ZNF827: variants seen among roughly 807,000 people sequenced by gnomAD.
The protein encoded by ZNF827 is zinc finger protein 827.
In ZNF827, 13 loss-of-function variants were observed where a neutral mutation model predicts 102.4. The ratio of observed to expected loss-of-function variants is 0.13; its 90% CI spans 0.08 to 0.20. The LOEUF is 0.20. Ranked by LOEUF, ZNF827 falls within the 10% of genes least tolerant of loss-of-function variation. ZNF827 has a pLI of 1.00. For synonymous variants in ZNF827, 523 were observed against 536.2 expected, an observed-to-expected ratio of 0.98 and a Z score of 0.34; for missense variants, 1,103 against 1,344.4, an observed-to-expected ratio of 0.82 and a Z score of 2.81.
At chr4:145,799,058 G>A (rs1740638956) in intron 8 of ZNF827, among the ~76,000 whole-genome samples, 1 of 152,306 alleles carries the variant, frequency 6.6e-6, no homozygotes, top group East Asian at 1.9e-4. Flanking sequence ...GCAGTCTACT[G>A]GTTCGTGCCC....
Position 145,938,575 on chromosome 4 carries a change from C to T in ZNF827, c.-168G>A. Reference sequence around the variant, plus strand: ...TGTGCAATGGGTTGAAGCTTGTTTCCTGGAGCCAGAAGAGGGGTTTTCTTC... The same window carrying T: ...TGTGCAATGGGTTGAAGCTTGTTTCTTGGAGCCAGAAGAGGGGTTTTCTTC... On this transcript the variant is annotated 5_prime_UTR_variant, in exon 1 of 15. Transcript: ENST00000508784. The T allele has an allele frequency of 1.8e-6, 1 of 555,618 alleles. No individual in the cohort carries two copies. Among genetic ancestry groups the T allele is most frequent in the Non-Finnish European group, 3.2e-6 (1 of 314,260 alleles). 34.4% of individuals were successfully genotyped at this position (555,618 alleles called of 1,614,324 possible). A position where few individuals can be genotyped will look rare whatever the true frequency, so the allele number is the denominator to read the frequency against.
intron 3 of ZNF827, among the ~76,000 whole-genome samples, chr4:145,888,599 G>C: frequency 6.6e-6 from 1 of 152,316 alleles, no homozygotes; most frequent in East Asian, 1.9e-4. Flanking sequence ...CCCCACTAGG[G>C]GGACAGGTGA....
chr4:145,839,838 A>C (rs1745244308), intron 7 of ZNF827, among the ~76,000 whole-genome samples: 1 of 152,250 alleles, frequency 6.6e-6, no homozygotes, highest in Non-Finnish European at 1.5e-5. Flanking sequence ...AGCCAGTAGA[A>C]ATAAAGATGG....
intron 1 of ZNF827, among the ~76,000 whole-genome samples, chr4:145,905,096 C>G (rs1180117730): frequency 2.0e-5 from 3 of 152,228 alleles, no homozygotes; most frequent in Non-Finnish European, 2.9e-5. Context: ...TCTAAATTAT[C>G]TGTCTGCTGT....
In ZNF827 at chr4:145,857,620, C is replaced by T. The variant is rs80171450; in HGVS notation, c.1982-8059G>A. On this transcript the variant is annotated intron_variant, in intron 5 of 14. Coordinates refer to ENST00000508784, the MANE Select transcript of ZNF827 (RefSeq NM_001306215.2). The stretch of plus-strand genomic sequence containing the variant: ...TGTCCCTCAAACATAACAAATTCTG[C>T]ACTCAATTTCACTTTTGTCCAAATC... Among the ~76,000 whole-genome samples the T allele has an allele frequency of 4.7e-3, 716 of 152,290 alleles. 1 individual carries two copies. The highest frequency in any genetic ancestry group is 0.016 in the African/African-American group (680 of 41,552).
chr4:145,803,905 T>C (rs998024932), intron 8 of ZNF827, among the ~76,000 whole-genome samples: 6 of 147,484 alleles, frequency 4.1e-5, no homozygotes, highest in African/African-American at 1.2e-4. Context: ...AAAATGGATG[T>C]AGTTTACCCT....
At chr4:145,784,923 T>G (rs1319761880) in intron 8 of ZNF827, among the ~76,000 whole-genome samples, 2 of 152,248 alleles carry the variant, frequency 1.3e-5, no homozygotes, top group African/African-American at 4.8e-5. Flanking sequence ...CACTCTTATA[T>G]TCTGATCCCT....
At chr4:145,915,991 T>C (rs777854123) in intron 1 of ZNF827, among the ~76,000 whole-genome samples, 2 of 152,180 alleles carry the variant, frequency 1.3e-5, no homozygotes, top group Non-Finnish European at 2.9e-5. Context: ...GCCAGAATAA[T>C]CTCCTTTGAC....
intron 6 of ZNF827, among the ~76,000 whole-genome samples, chr4:145,846,646 G>A (rs58313731): frequency 0.016 from 2,209 of 138,178 alleles, 85 homozygotes; most frequent in African/African-American, 0.058. Context: ...GTGAAAACCC[G>A]TCTCTACTAA....
At chr4:145,876,840 T>G (rs905528420) in intron 4 of ZNF827, 2 of 152,210 alleles carry the variant, frequency 1.3e-5, no homozygotes, top group African/African-American at 4.8e-5. Flanking sequence ...GCTTATACTC[T>G]TCTTTAATTG....
At chr4:145,793,673 A>G (rs1740064946) in intron 8 of ZNF827, among the ~76,000 whole-genome samples, 1 of 152,114 alleles carries the variant, frequency 6.6e-6, no homozygotes, top group East Asian at 1.9e-4. Context: ...CCCAGGATCA[A>G]TACTTTGCAT....
At chr4:145,839,744 C>A (rs1026376335) in intron 7 of ZNF827, among the ~76,000 whole-genome samples, 9 of 152,238 alleles carry the variant, frequency 5.9e-5, no homozygotes, top group Non-Finnish European at 8.8e-5. Context: ...AACACAGTCT[C>A]TGGATGTCCA....
At position 145,765,302 on chromosome 4, in the gene ZNF827, A is replaced by G. The variant is rs964724213; in HGVS notation, c.3053-137T>C. Reference sequence around the variant, plus strand: ...TATACCCTTCCAGGCACTGTTCCCCATATCTCTGTGCTAAAAGGAGTTAAA... The same window carrying G: ...TATACCCTTCCAGGCACTGTTCCCCGTATCTCTGTGCTAAAAGGAGTTAAA... On this transcript the variant is annotated intron_variant, in intron 12 of 14. Coordinates refer to ENST00000508784, the MANE Select transcript of ZNF827 (RefSeq NM_001306215.2). The surrounding 1 kb of genome is among the most constrained non-coding windows in gnomAD (Gnocchi z 4.7). 3.1e-5 allele frequency: 33 copies of G among 1,057,692 alleles called. No individual in the cohort carries two copies. Among genetic ancestry groups the G allele is most frequent in the Middle Eastern group, 3.1e-4 (1 of 3,206 alleles). 65.5% of individuals were successfully genotyped at this position (1,057,692 alleles called of 1,614,324 possible).
chr4:145,916,311 C>T (rs115748548), intron 1 of ZNF827, among the ~76,000 whole-genome samples: 1,722 of 152,302 alleles, frequency 0.011, 29 homozygotes, highest in African/African-American at 0.036. Flanking sequence ...ACACTTCTAC[C>T]ACATGAACAT....
At chr4:145,937,262 C>G (rs564593211) in intron 1 of ZNF827, among the ~76,000 whole-genome samples, 114 of 151,530 alleles carry the variant, frequency 7.5e-4, no homozygotes, top group African/African-American at 2.1e-3. Flanking sequence ...CGGGCCGTGC[C>G]GGCGGGTGTG....
chr4:145,855,943 T>C (rs1747055331), intron 5 of ZNF827, among the ~76,000 whole-genome samples: 1 of 152,092 alleles, frequency 6.6e-6, no homozygotes, highest in African/African-American at 2.4e-5. Context: ...TACCCTACAC[T>C]GTGTCTCCCC....
Position 145,915,411 on chromosome 4 carries a change from C to T in ZNF827, c.44-12196G>A, listed in dbSNP as rs980253575. Among the ~76,000 whole-genome samples the T allele has an allele frequency of 2.6e-5, 4 of 151,988 alleles. No individual in the cohort carries two copies. In the East Asian group the frequency reaches 7.7e-4, roughly 29 times the overall value. On this transcript the variant is annotated intron_variant, in intron 1 of 14. Coordinates refer to ENST00000508784, the MANE Select transcript of ZNF827 (RefSeq NM_001306215.2). The stretch of plus-strand genomic sequence containing the variant: ...GCCATGAGCTGAGATGGCGCCATTG[C>T]ACTCCAACCCAGGCAACAAGAGCGG...
At chr4:145,878,602 CAGGAAAGGAAAGGAA>C (rs869069442) in intron 4 of ZNF827, among the ~76,000 whole-genome samples, 932 of 63,488 alleles carry the variant, frequency 0.015, 18 homozygotes, top group African/African-American at 0.052. Context: ...CAGGACAGGA[CAGGAAAGGAAAGGAA>C]AGGAAAGGAA....
chr4:145,839,245 C>A (rs1359179956), intron 7 of ZNF827: 1 of 152,170 alleles, frequency 6.6e-6, no homozygotes, highest in East Asian at 1.9e-4. Context: ...CACTGTGGAG[C>A]CCGGAAACTT....
Sources: gnomAD v4.1 joint callset for allele counts (sites outside exome capture counted in the v4.1 genomes callset) on GRCh38, gnomAD v4.1.1 for gene constraint, Gnocchi (gnomAD v3.1) non-coding constraint, MANE v1.5 for transcripts, NCBI Gene and HGNC (gene_info 2026-07-23, HGNC 2026-07-21) for gene names.